The following APC variants were observed in gnomAD, a reference collection of about 807,000 sequenced individuals.
The protein encoded by APC is adenomatous polyposis coli protein.
Under a neutral mutation model 247.0 loss-of-function variants are expected in APC, and 72 were observed. That is an observed-to-expected ratio of 0.29 (90% CI 0.24 to 0.35). The LOEUF (loss-of-function observed/expected upper bound fraction) is 0.35. APC is among the 10% of genes least tolerant of loss of function. The pLI is 1.00. For synonymous variants in APC, 1,254 were observed against 1,162.5 expected, an observed-to-expected ratio of 1.08 and a Z score of -1.60; for missense variants, 3,400 against 3,360.7, an observed-to-expected ratio of 1.01 and a Z score of -0.29.
intron 1 of APC, among the ~76,000 whole-genome samples, chr5:112,719,209 C>T (rs540282272): frequency 1.1e-4 from 16 of 152,120 alleles, no homozygotes; most frequent in African/African-American, 3.9e-4. Flanking sequence ...TTCTTTCCTT[C>T]TTTACTTCTT....
intron 1 of APC, among the ~76,000 whole-genome samples, chr5:112,723,325 G>A (rs1309208594): frequency 6.6e-6 from 1 of 152,084 alleles, no homozygotes; most frequent in Admixed American, 6.5e-5. Context: ...AGTTGGGCAT[G>A]GTGGTGCAGC....
rs1165759330 is a variant in APC, at chr5:112,840,044, G to C, written c.4450G>C (p.Asp1484His). 9 of 1,614,006 alleles carry C rather than the reference G, an allele frequency of 5.6e-6. No homozygotes were observed. In the South Asian group the frequency reaches 9.9e-5, roughly 18 times the overall value. The change falls in exon 16 of 16, where the codon GAT becomes CAT. Residue 1484 changes from aspartate to histidine, a missense_variant. Transcript: ENST00000257430. This position sits in a 1 kb window ranked among gnomAD's most constrained non-coding sequence, Gnocchi z 4.1. ...AAVQRVQVLP[D>H]ADTLLHFATE... ...AGTTCAGAGGGTCCAGGTTCTTCCA[G>C]ATGCTGATACTTTATTACATTTTGC...
At chr5:112,807,749 TG>T (rs1761559774) in intron 8 of APC, among the ~76,000 whole-genome samples, 1 of 152,208 alleles carries the variant, frequency 6.6e-6, no homozygotes, top group South Asian at 2.1e-4. Flanking sequence ...CATATCGACA[TG>T]TAACCTATTC....
At position 112,769,050 on chromosome 5, in the gene APC, C is replaced by CTTTTTT. The variant is rs11379766; in HGVS notation, c.422+1675_422+1680dup. Among the ~76,000 whole-genome samples, 133 of 96,804 alleles carry CTTTTTT rather than the reference C, an allele frequency of 1.4e-3. 2 individuals are homozygous for CTTTTTT. The highest frequency in any genetic ancestry group is 3.8e-3 in the East Asian group (12 of 3,118). The allele number at this position is 96,804 out of a possible 152,430, so 63.5% of individuals were successfully genotyped here. On this transcript the variant is annotated intron_variant, in intron 4 of 15. Coordinates refer to ENST00000257430, the MANE Select transcript of APC (RefSeq NM_000038.6). ...AAAGTAAATTTTTCTTTTTTTTCTT[C>CTTTTTT]TTTTTTTTTTTTTTTTTTTTGAGAT...
At chr5:112,725,716 A>G (rs549447603) in intron 1 of APC, among the ~76,000 whole-genome samples, 383 of 152,262 alleles carry the variant, frequency 2.5e-3, no homozygotes, top group African/African-American at 8.7e-3. Flanking sequence ...AGGTGTGATC[A>G]TGCCACTGCA....
intron 6 of APC, among the ~76,000 whole-genome samples, chr5:112,789,255 T>C (rs1242335341): frequency 6.6e-6 from 1 of 152,234 alleles, no homozygotes. Context: ...TTAAGCATCC[T>C]AATCCAAAAA....
chr5:112,738,073 GC>G, intron 1 of APC, 148 bp downstream of exon 1: 1 of 479,510 alleles, frequency 2.1e-6, no homozygotes, highest in Non-Finnish European at 2.7e-6. Flanking sequence ...TCGTCCCCCC[GC>G]CCCCCACTGC....
intron 5 of APC, among the ~76,000 whole-genome samples, chr5:112,775,976 G>A (rs1256247517): frequency 6.6e-6 from 1 of 152,136 alleles, no homozygotes; most frequent in Admixed American, 6.5e-5. Context: ...AATCTATAAA[G>A]TTTGAATTCT....
At chr5:112,748,347 G>T (rs1427785223) in intron 1 of APC, among the ~76,000 whole-genome samples, 1 of 152,064 alleles carries the variant, frequency 6.6e-6, no homozygotes, top group Admixed American at 6.5e-5. Context: ...AATTCTGCTT[G>T]GAATTTAAAA....
At chr5:112,778,595 G>T (rs1751371168) in intron 5 of APC, 1 of 145,270 alleles carries the variant, frequency 6.9e-6, no homozygotes, top group South Asian at 2.1e-4. Flanking sequence ...CGCCCAGGCT[G>T]GAATGCAGTG....
chr5:112,831,055 A>C (rs1303106460), intron 14 of APC, among the ~76,000 whole-genome samples: 1 of 152,140 alleles, frequency 6.6e-6, no homozygotes, highest in East Asian at 1.9e-4. Context: ...GAGAATTTGC[A>C]CTGCTGCTAA....
At chr5:112,805,189 G>A (rs1353794699) in intron 8 of APC, among the ~76,000 whole-genome samples, 1 of 151,702 alleles carries the variant, frequency 6.6e-6, no homozygotes, top group Non-Finnish European at 1.5e-5. Context: ...TTTTTGTAAT[G>A]AACATGTATT....
intron 6 of APC, among the ~76,000 whole-genome samples, chr5:112,786,762 A>C (rs1215957349): frequency 6.6e-6 from 1 of 152,202 alleles, no homozygotes; most frequent in Admixed American, 6.5e-5. Context: ...GTAAACAAAC[A>C]TGCAAGAGTT....
At chr5:112,739,836 G>A (rs1752789167) in intron 1 of APC, among the ~76,000 whole-genome samples, 1 of 152,190 alleles carries the variant, frequency 6.6e-6, no homozygotes, top group Non-Finnish European at 1.5e-5. Context: ...TTAGCATAGT[G>A]TTTGAGAGTC....
chr5:112,843,982 T>G lies in APC; in HGVS notation c.8388T>G (p.Asp2796Glu), dbSNP rs1213618644. ...YNPSPRKSSA[D>E]STSARPSQIP... ...CAAGCCCTAGGAAAAGCAGCGCAGA[T>G]AGCACTTCAGCTCGGCCATCTCAGA... is the stretch of plus-strand genomic sequence containing the variant. Residue 2796 changes from aspartate to glutamate, a missense_variant, in exon 16 of 16, where the codon GAT becomes GAG. This residue lies in a region of APC where 1,788 missense variants were observed against 1,649.5 expected (regional missense o/e 1.08). Coordinates refer to ENST00000257430, the MANE Select transcript of APC (RefSeq NM_000038.6). The surrounding 1 kb of genome is among the most constrained non-coding windows in gnomAD (Gnocchi z 4.8). The G allele has an allele frequency of 6.2e-7, 1 of 1,602,586 alleles. No homozygotes were observed. The highest frequency in any genetic ancestry group is 8.5e-7 in the Non-Finnish European group (1 of 1,174,992).
chr5:112,806,925 G>A (rs1354358408), intron 8 of APC, among the ~76,000 whole-genome samples: 1 of 152,082 alleles, frequency 6.6e-6, no homozygotes, highest in Non-Finnish European at 1.5e-5. Flanking sequence ...TTGAGGTCAG[G>A]AGTTCGAGAC....
At chr5:112,726,952 TATTAAATA>T (rs1751818389) in intron 1 of APC, among the ~76,000 whole-genome samples, 1 of 152,166 alleles carries the variant, frequency 6.6e-6, no homozygotes, top group Non-Finnish European at 1.5e-5. Flanking sequence ...GAGAACATAA[TATTAAATA>T]GGCATTATGA....
chr5:112,746,426 A>G (rs79175013), intron 1 of APC, among the ~76,000 whole-genome samples: 2 of 152,180 alleles, frequency 1.3e-5, no homozygotes, highest in Non-Finnish European at 2.9e-5. Flanking sequence ...TCAAAATACT[A>G]TAAAAATTTA....
chr5:112,789,910 G>A (rs1195779809), intron 6 of APC, among the ~76,000 whole-genome samples: 1 of 151,826 alleles, frequency 6.6e-6, no homozygotes, highest in Non-Finnish European at 1.5e-5. Flanking sequence ...TCCCAGGCTG[G>A]AGGGCAGTGG....
Sources: gnomAD v4.1 joint callset for allele counts (sites outside exome capture counted in the v4.1 genomes callset) on GRCh38, gnomAD v4.1.1 for gene constraint, gnomAD v4.1.1 regional missense constraint, Gnocchi (gnomAD v3.1) non-coding constraint, MANE v1.5 for transcripts, NCBI Gene and HGNC (gene_info 2026-07-23, HGNC 2026-07-21) for gene names.